C10orf67: variants seen among roughly 807,000 people sequenced by gnomAD.
C10orf67 encodes chromosome 10 open reading frame 67.
A neutral mutation model predicts 35.6 loss-of-function variants in C10orf67; 60 were observed. That is an observed-to-expected ratio of 1.68 (90% CI 1.37 to 2.09). C10orf67 has a LOEUF of 2.09. Ranked by LOEUF, C10orf67 falls within the 30% of genes most tolerant of loss-of-function variation. The probability of loss-of-function intolerance (pLI) is 0.00; values close to 1 mark genes in which losing one functional copy is unlikely to be tolerated. For synonymous variants in C10orf67, 167 were observed against 115.8 expected (o/e 1.44, Z -2.84); for missense variants, 474 against 330.2 (o/e 1.44, Z -3.38).
chr10:23,276,576 A>G (rs187452109), intron 8 of C10orf67, among the ~76,000 whole-genome samples: 36 of 152,144 alleles, frequency 2.4e-4, no homozygotes, highest in Admixed American at 1.3e-3. Context: ...GGGCTAATAA[A>G]AGACCAAAGG....
chr10:23,242,388 G>C lies in C10orf67; in HGVS notation c.1347-2572C>G, dbSNP rs117606889. ...ATTTTCCTCCAAAGAAAAGCTGAGA[G>C]AATTATTTGCCAGCAAACCTGTATT... On this transcript the variant is annotated intron_variant, in intron 12 of 15. Transcript: ENST00000636213. Among the ~76,000 whole-genome samples the C allele has an allele frequency of 3.0e-3, 461 of 152,218 alleles. 13 individuals carry two copies. In the East Asian group the frequency reaches 0.05, roughly 16 times the overall value.
intron 9 of C10orf67, among the ~76,000 whole-genome samples, chr10:23,266,816 C>T (rs1366989331): frequency 6.6e-6 from 1 of 152,130 alleles, no homozygotes; most frequent in Non-Finnish European, 1.5e-5. Flanking sequence ...TGATGCCCCG[C>T]TAGCTGGCTT....
At chr10:23,342,240 A>ACACACT (rs911889225) in intron 1 of C10orf67, among the ~76,000 whole-genome samples, 33 of 149,262 alleles carry the variant, frequency 2.2e-4, no homozygotes, top group African/African-American at 7.2e-4. Flanking sequence ...ACACACACAC[A>ACACACT]CTCTCACACA....
chr10:23,268,162 G>C (rs1842930871), intron 8 of C10orf67, among the ~76,000 whole-genome samples: 1 of 152,088 alleles, frequency 6.6e-6, no homozygotes, highest in South Asian at 2.1e-4. Context: ...AGGTGTGGTG[G>C]TGTGTACCTA....
intron 8 of C10orf67, among the ~76,000 whole-genome samples, chr10:23,280,393 G>A (rs1304152999): frequency 2.6e-5 from 4 of 152,148 alleles, no homozygotes; most frequent in East Asian, 3.9e-4. Context: ...GCAGGATAGC[G>A]AGAAACAAAG....
chr10:23,316,993 G>A (rs1044513690), intron 4 of C10orf67: 3 of 152,420 alleles, frequency 2.0e-5, no homozygotes, highest in Non-Finnish European at 4.4e-5. Context: ...CCCCTGGGTT[G>A]AAGGTGGAGC....
chr10:23,321,888 G>A (rs565232627), intron 3 of C10orf67, among the ~76,000 whole-genome samples: 1 of 152,272 alleles, frequency 6.6e-6, no homozygotes, highest in Non-Finnish European at 1.5e-5. Context: ...CTGGGCTCAA[G>A]TGATTCCCCT....
intron 1 of C10orf67, among the ~76,000 whole-genome samples, chr10:23,337,838 G>T (rs541987198): frequency 1.3e-5 from 2 of 152,260 alleles, no homozygotes; most frequent in Admixed American, 1.3e-4. Flanking sequence ...TCACCAGCTG[G>T]TAGTTACCTG....
intron 10 of C10orf67, among the ~76,000 whole-genome samples, chr10:23,257,801 T>G (rs891309263): frequency 4.0e-5 from 6 of 151,262 alleles, no homozygotes; most frequent in African/African-American, 1.5e-4. Context: ...AGACTCTGTT[T>G]TTTTTTTTTT....
chr10:23,294,437 G>A (rs181145397), intron 5 of C10orf67, among the ~76,000 whole-genome samples: 1 of 151,636 alleles, frequency 6.6e-6, no homozygotes, highest in Non-Finnish European at 1.5e-5. Context: ...AGACATAAAG[G>A]CTAACCTCCT....
At chr10:23,236,253 GAAAAAA>G (rs368833212) in intron 13 of C10orf67, among the ~76,000 whole-genome samples, 27 of 75,798 alleles carry the variant, frequency 3.6e-4, no homozygotes, top group African/African-American at 1.6e-3. Context: ...CCTCTCGGGG[GAAAAAA>G]AAAAAAAAAA....
rs564551534 is a variant in C10orf67, at chr10:23,283,077, G to A, written c.910-999C>T. Reference sequence around the variant, plus strand: ...CTAAAAGAGTATAAATGGATTGTTCGTAATACAAAGGATAAATGCTTGAGG... The same window carrying A: ...CTAAAAGAGTATAAATGGATTGTTCATAATACAAAGGATAAATGCTTGAGG... On this transcript the variant is annotated intron_variant, in intron 7 of 15. Transcript: ENST00000636213. Among the ~76,000 whole-genome samples, 141 of 152,192 alleles carry A rather than the reference G, an allele frequency of 9.3e-4. 1 individual carries two copies. The highest frequency in any genetic ancestry group is 4.1e-4 in the South Asian group (2 of 4,826).
At chr10:23,265,353 G>A (rs1842860457) in intron 10 of C10orf67, among the ~76,000 whole-genome samples, 1 of 152,204 alleles carries the variant, frequency 6.6e-6, no homozygotes. Context: ...ACTCCTCCAT[G>A]CTCTAAGTGA....
chr10:23,321,396 G>A (rs1844950281), intron 3 of C10orf67, among the ~76,000 whole-genome samples: 1 of 152,154 alleles, frequency 6.6e-6, no homozygotes, highest in Non-Finnish European at 1.5e-5. Context: ...TTATTTTGTA[G>A]AGATGGGGTA....
intron 15 of C10orf67, among the ~76,000 whole-genome samples, chr10:23,209,765 C>T (rs575273874): frequency 3.3e-5 from 5 of 151,934 alleles, no homozygotes; most frequent in African/African-American, 7.2e-5. Flanking sequence ...TTTGGGAGGC[C>T]GAGGCATGTG....
At chr10:23,222,655 T>C (rs970199121) in intron 15 of C10orf67, among the ~76,000 whole-genome samples, 3 of 152,052 alleles carry the variant, frequency 2.0e-5, no homozygotes, top group African/African-American at 7.2e-5. Context: ...AACCTAAAGT[T>C]AAAAAAAATT....
chr10:23,235,007 C>A (rs1452445217), intron 13 of C10orf67, among the ~76,000 whole-genome samples: 4 of 73,406 alleles, frequency 5.4e-5, no homozygotes, highest in Non-Finnish European at 7.7e-5. Context: ...AGCGAAATTC[C>A]ATCTCAAAAA....
chr10:23,274,194 AG>A (rs754408556), intron 8 of C10orf67, among the ~76,000 whole-genome samples: 12 of 152,178 alleles, frequency 7.9e-5, no homozygotes, highest in Non-Finnish European at 1.5e-4. Flanking sequence ...CAAGATCACA[AG>A]GCAAGGGAGA....
chr10:23,315,339 A>G (rs1844657970), intron 4 of C10orf67, among the ~76,000 whole-genome samples: 1 of 152,270 alleles, frequency 6.6e-6, no homozygotes, highest in African/African-American at 2.4e-5. Flanking sequence ...TTATTCAGCT[A>G]TATTTTTGAA....
Sources: gnomAD v4.1 joint callset for allele counts (sites outside exome capture counted in the v4.1 genomes callset) on GRCh38, gnomAD v4.1.1 for gene constraint, MANE v1.5 for transcripts, NCBI Gene and HGNC (gene_info 2026-07-23, HGNC 2026-07-21) for gene names.